The following CFAP45 variants were observed in gnomAD, a reference collection of about 807,000 sequenced individuals.
CFAP45 encodes cilia and flagella associated protein 45, also known as cilia- and flagella-associated protein 45.
CFAP45 carries 43 observed loss-of-function variants against 75.6 expected under a neutral mutation model. That is an observed-to-expected ratio of 0.57 (90% CI 0.45 to 0.73). The LOEUF is 0.73. Among genes scored for constraint, CFAP45 ranks in the 30% least tolerant of loss-of-function variants. The pLI is 0.00. For synonymous variants in CFAP45, 223 were observed against 244.6 expected (o/e 0.91, Z 0.82); for missense variants, 689 against 701.5 (o/e 0.98, Z 0.20).
At chr1:159,881,568 G>A (rs1315768915) in intron 7 of CFAP45, among the ~76,000 whole-genome samples, 1 of 152,174 alleles carries the variant, frequency 6.6e-6, no homozygotes, top group African/African-American at 2.4e-5. Context: ...AAGGAAAATA[G>A]CAAATATTCG....
chr1:159,898,248 A>C, intron 1 of CFAP45: 1 of 985,326 alleles, frequency 1.0e-6, no homozygotes, highest in Non-Finnish European at 1.2e-6. Flanking sequence ...CTCTTTCTTC[A>C]ATTGGGACCA....
chr1:159,895,725 GGT>G (rs1246968569), intron 1 of CFAP45, among the ~76,000 whole-genome samples: 1 of 152,200 alleles, frequency 6.6e-6, no homozygotes, highest in African/African-American at 2.4e-5. Flanking sequence ...TATGGTAGGT[GGT>G]GAGCTACGGC....
At position 159,888,431 on chromosome 1, in the gene CFAP45, T is replaced by C. The variant is rs760450248; in HGVS notation, c.338A>G (p.Lys113Arg). The C allele has an allele frequency of 1.2e-6, 2 of 1,614,062 alleles. No homozygotes were observed. The highest frequency in any genetic ancestry group is 1.1e-5 in the South Asian group (1 of 91,076). ...TCTGGTCAGGACATGGGATGCCCATTTGATTCGCTCAAACTCCTCAGGGCT... is the reference window on the plus strand; with the variant it reads ...TCTGGTCAGGACATGGGATGCCCATCTGATTCGCTCAAACTCCTCAGGGCT... ...IISPEEFERI[K>R]WASHVLTREE... Residue 113 changes from lysine (K) to arginine (R), a missense_variant, in exon 4 of 12, where the codon AAA (lysine) becomes AGA (arginine). Coordinates refer to ENST00000368099, the MANE Select transcript of CFAP45 (RefSeq NM_012337.3).
intron 10 of CFAP45, among the ~76,000 whole-genome samples, chr1:159,875,638 C>G (rs931765392): frequency 6.6e-6 from 1 of 152,224 alleles, no homozygotes; most frequent in African/African-American, 2.4e-5. Context: ...CTTATCTGAG[C>G]ATAATGTCTA....
chr1:159,894,543 A>G (rs1649908701), intron 1 of CFAP45, among the ~76,000 whole-genome samples: 1 of 152,188 alleles, frequency 6.6e-6, no homozygotes, highest in South Asian at 2.1e-4. Flanking sequence ...TGAATGATAA[A>G]TGATTACTAG....
chr1:159,898,305 T>A, intron 1 of CFAP45: 2 of 757,324 alleles, frequency 2.6e-6, no homozygotes, highest in Non-Finnish European at 3.2e-6. Flanking sequence ...TCCTAGTCAG[T>A]ACTGAGGTCC....
intron 8 of CFAP45, among the ~76,000 whole-genome samples, chr1:159,879,482 G>A (rs1649496256): frequency 6.6e-6 from 1 of 152,206 alleles, no homozygotes; most frequent in South Asian, 2.1e-4. Context: ...AAGATTAAAA[G>A]AGATAACACG....
Position 159,880,558 on chromosome 1 carries a change from T to G in CFAP45, c.1040A>C (p.Lys347Thr). ...TCCCAGAAACCAAGTCCCTACCATCTTCTTCTTGGTAAACTCCATCACCAT... is the reference window on the plus strand; with the variant it reads ...TCCCAGAAACCAAGTCCCTACCATCGTCTTCTTGGTAAACTCCATCACCAT... Reference protein sequence around the residue: ...DQMVMEFTKKKMAREAEFEAE... With the variant: ...DQMVMEFTKKTMAREAEFEAE... The change falls in exon 8 of 12, where the codon AAG becomes ACG. Residue 347 changes from lysine to threonine, a missense_variant. Coordinates refer to ENST00000368099, the MANE Select transcript of CFAP45 (RefSeq NM_012337.3). 6.2e-7 allele frequency: 1 copy of G among 1,612,510 alleles called. No individual in the cohort carries two copies. Among genetic ancestry groups the G allele is most frequent in the South Asian group, 1.1e-5 (1 of 90,678 alleles).
In CFAP45 at chr1:159,886,555, T is replaced by C. The variant is rs763229713; in HGVS notation, c.723A>G (p.Gln241=). ...TCTTCCTCTCCAGTTCCTCCTGCCT[T>C]TGAATGGATTTCTGCCGCTCCACTT... The part of the protein sequence containing the change: ...MMEVERQKSI[Q]RQEELERKRR... Residue 241 remains glutamine, a synonymous_variant, in exon 6 of 12, where the codon CAA becomes CAG. Coordinates refer to ENST00000368099, the MANE Select transcript of CFAP45 (RefSeq NM_012337.3). The C allele has an allele frequency of 6.2e-7, 1 of 1,614,158 alleles. No individual in the cohort carries two copies. Among genetic ancestry groups the C allele is most frequent in the Non-Finnish European group, 8.5e-7 (1 of 1,180,018 alleles).
intron 2 of CFAP45, among the ~76,000 whole-genome samples, chr1:159,891,399 C>T (rs768591780): frequency 2.6e-5 from 4 of 152,138 alleles, no homozygotes; most frequent in Non-Finnish European, 4.4e-5. Flanking sequence ...AGTTAGAAAT[C>T]GCTAAATGAC....
At chr1:159,883,337 C>T (rs1289843140) in intron 7 of CFAP45, among the ~76,000 whole-genome samples, 1 of 152,012 alleles carries the variant, frequency 6.6e-6, no homozygotes, top group East Asian at 1.9e-4. Context: ...TAGATCAAAA[C>T]AAACTAAAGA....
chr1:159,890,847 C>T (rs1316075570), intron 2 of CFAP45, among the ~76,000 whole-genome samples: 2 of 151,540 alleles, frequency 1.3e-5, no homozygotes, highest in Non-Finnish European at 2.9e-5. Flanking sequence ...CAACCGCCAC[C>T]TCCCGGGTTC....
In CFAP45 at chr1:159,873,114, T is replaced by G. The variant is rs778410689; in HGVS notation, c.1407A>C (p.Thr469=). 6.2e-7 allele frequency: 1 copy of G among 1,614,150 alleles called. No homozygotes were observed. The part of the protein sequence containing the change: ...KERLEEEKKA[T]GRLQHANELR... ...GCTCATTGGCATGCTGTAAGCGCCC[T>G]GTGGCCTTTTTCTCCTCCTCCAGCC... is the stretch of plus-strand genomic sequence containing the variant. Residue 469 remains threonine (T), a synonymous_variant, in exon 11 of 12, where the codon ACA becomes ACC. Transcript: ENST00000368099.
intron 7 of CFAP45, among the ~76,000 whole-genome samples, chr1:159,882,312 C>T (rs1034909485): frequency 1.3e-5 from 2 of 152,152 alleles, no homozygotes; most frequent in African/African-American, 4.8e-5. Context: ...GTATCCCAGA[C>T]ATCATTTAAT....
chr1:159,879,266 A>G (rs1649490806), intron 8 of CFAP45, among the ~76,000 whole-genome samples: 1 of 151,890 alleles, frequency 6.6e-6, no homozygotes, highest in Admixed American at 6.6e-5. Flanking sequence ...TCCACTACCA[A>G]CCCTCTGCTG....
intron 1 of CFAP45, among the ~76,000 whole-genome samples, chr1:159,895,008 C>T (rs1428122724): frequency 2.0e-5 from 3 of 152,226 alleles, no homozygotes; most frequent in Non-Finnish European, 4.4e-5. Flanking sequence ...GTTCCAGCTG[C>T]AGAAACTTCT....
chr1:159,888,745 T>C (rs777912589), intron 3 of CFAP45, among the ~76,000 whole-genome samples: 3 of 152,178 alleles, frequency 2.0e-5, no homozygotes, highest in Non-Finnish European at 4.4e-5. Context: ...TGTTACCTTC[T>C]CTGTGCAGCT....
chr1:159,875,145 T>C (rs1308680363), intron 10 of CFAP45, among the ~76,000 whole-genome samples: 1 of 152,226 alleles, frequency 6.6e-6, no homozygotes, highest in Non-Finnish European at 1.5e-5. Flanking sequence ...GGCTAGTGCA[T>C]ATGCTTCAGG....
intron 3 of CFAP45, 95 bp from the exon 4 acceptor site, chr1:159,888,591 G>A (rs944071828): frequency 1.7e-5 from 20 of 1,176,978 alleles, no homozygotes; most frequent in Middle Eastern, 5.5e-4. Flanking sequence ...TTCCCATCAT[G>A]CCAGTGGACT....
Sources: allele counts gnomAD v4.1 joint callset (sites outside exome capture counted in the v4.1 genomes callset), GRCh38; gene constraint gnomAD v4.1.1; transcripts MANE v1.5; gene names NCBI Gene and HGNC (gene_info 2026-07-23, HGNC 2026-07-21).